Variants in GSE1 observed in about 807,000 individuals in gnomAD.
The protein encoded by GSE1 is Gse1 coiled-coil protein.
In GSE1, 32 loss-of-function variants were observed where a neutral mutation model predicts 112.6. The ratio of observed to expected loss-of-function variants is 0.28; its 90% CI spans 0.21 to 0.38. The LOEUF is 0.38. GSE1 is among the 10% of genes least tolerant of loss of function. The pLI, the probability that GSE1 is intolerant of heterozygous loss-of-function variation, is 1.00. For missense variants in GSE1, 2,348 were observed against 1,699.2 expected (o/e 1.38, Z -6.71); for synonymous variants, 1,115 against 735.6 (o/e 1.52, Z -8.35).
intron 2 of GSE1, among the ~76,000 whole-genome samples, chr16:85,433,222 A>G (rs576605732): frequency 2.6e-5 from 4 of 152,098 alleles, no homozygotes; most frequent in African/African-American, 9.6e-5. Flanking sequence ...CTTGGTTTAC[A>G]TTGTCATTTT....
At chr16:85,558,167 G>T (rs765946609) in intron 1 of GSE1, among the ~76,000 whole-genome samples, 5 of 152,152 alleles carry the variant, frequency 3.3e-5, no homozygotes, top group Non-Finnish European at 5.9e-5. Context: ...GGTAAATGAG[G>T]GCTGGGTCTG....
At chr16:85,230,756 T>C (rs985937466) in intron 1 of GSE1, among the ~76,000 whole-genome samples, 1 of 152,196 alleles carries the variant, frequency 6.6e-6, no homozygotes, top group African/African-American at 2.4e-5. Context: ...CTCACAGTCC[T>C]CCTGGGTTGG....
chr16:85,540,023 G>C (rs1203016969), intron 2 of GSE1, among the ~76,000 whole-genome samples: 1 of 152,216 alleles, frequency 6.6e-6, no homozygotes, highest in Non-Finnish European at 1.5e-5. Context: ...AGTCAGCAGG[G>C]TTGTTGTACA....
intron 1 of GSE1, among the ~76,000 whole-genome samples, chr16:85,213,868 G>C (rs999822785): frequency 1.3e-5 from 2 of 152,234 alleles, no homozygotes; most frequent in African/African-American, 4.8e-5. Flanking sequence ...TGAGGACAGA[G>C]GGCCCCAGGC....
At chr16:85,352,640 T>A (rs1327594887) in intron 1 of GSE1, among the ~76,000 whole-genome samples, 1 of 152,196 alleles carries the variant, frequency 6.6e-6, no homozygotes, top group African/African-American at 2.4e-5. Context: ...CTTAGAAGGA[T>A]AAGGAAGGGG....
intron 1 of GSE1, among the ~76,000 whole-genome samples, chr16:85,574,574 G>A (rs536051697): frequency 5.2e-4 from 79 of 152,304 alleles, no homozygotes; most frequent in Middle Eastern, 3.4e-3. Context: ...CCCAAAGCCA[G>A]GTCATTCCTT....
At chr16:85,346,465 G>A (rs1330629624) in intron 1 of GSE1, among the ~76,000 whole-genome samples, 1 of 142,728 alleles carries the variant, frequency 7.0e-6, no homozygotes, top group Non-Finnish European at 1.5e-5. Context: ...GGGCTGATGG[G>A]TGGATGATGG....
intron 1 of GSE1, among the ~76,000 whole-genome samples, chr16:85,243,261 T>C (rs1318506849): frequency 6.6e-6 from 1 of 152,208 alleles, no homozygotes; most frequent in African/African-American, 2.4e-5. Context: ...AAGTGCAAAA[T>C]CATTCTTGCT....
chr16:85,260,933 C>T (rs918703830), intron 1 of GSE1, among the ~76,000 whole-genome samples: 1 of 152,222 alleles, frequency 6.6e-6, no homozygotes, highest in Non-Finnish European at 1.5e-5. Context: ...CTACCCTGGC[C>T]TAGCTGCAGG....
At chr16:85,554,163 G>A (rs1467969370), upstream of GSE1, among the ~76,000 whole-genome samples, 1 of 152,134 alleles carries the variant, frequency 6.6e-6, no homozygotes, top group African/African-American at 2.4e-5. Context: ...TTTAAGGAGA[G>A]GGTGGGGGGA....
At chr16:85,261,454 C>T (rs979716362) in intron 1 of GSE1, among the ~76,000 whole-genome samples, 3 of 152,232 alleles carry the variant, frequency 2.0e-5, no homozygotes, top group Non-Finnish European at 2.9e-5. Context: ...CATGTTTCCC[C>T]TTATCCCGCA....
intron 2 of GSE1, among the ~76,000 whole-genome samples, chr16:85,450,966 A>T (rs1462260373): frequency 6.6e-6 from 1 of 150,524 alleles, no homozygotes; most frequent in African/African-American, 2.4e-5. Context: ...CCCAGCTACT[A>T]GGGAGGCCAA....
chr16:85,663,301 C>A, intron 10 of GSE1, 43 bp from the exon 11 acceptor site: 3 of 1,606,228 alleles, frequency 1.9e-6, no homozygotes, highest in Non-Finnish European at 2.6e-6. Flanking sequence ...AAGCATACCA[C>A]TGCCAGTGGC....
intron 1 of GSE1, among the ~76,000 whole-genome samples, chr16:85,210,469 G>T (rs893058963): frequency 6.6e-6 from 1 of 152,152 alleles, no homozygotes; most frequent in Non-Finnish European, 1.5e-5. Context: ...GATGCCTGTA[G>T]TCCCAGTTAC....
Position 85,333,280 on chromosome 16 carries a change from C to T in GSE1, c.2284-24183C>T, listed in dbSNP as rs201570189. ...CTGAAGGCCTCCCAGCTGATCCACG[C>T]GGGCCCACCCAGGTCATCTAGAACA... On this transcript the variant is annotated intron_variant, in intron 1 of 2. Transcript: ENST00000637419. 6.5e-4 allele frequency among the ~76,000 whole-genome samples: 99 copies of T among 152,282 alleles called. 3 individuals are homozygous for T. In the South Asian group the frequency reaches 0.019, roughly 29 times the overall value.
At chr16:85,665,904 G>T in intron 12 of GSE1, 72 bp from the exon 13 acceptor site, 1 of 1,440,870 alleles carries the variant, frequency 6.9e-7, no homozygotes, top group South Asian at 1.2e-5. Flanking sequence ...CTAGAGACCA[G>T]GATCTGCGTG....
chr16:85,453,037 C>T lies in GSE1; in HGVS notation c.2464+95394C>T, dbSNP rs768931344. Among the ~76,000 whole-genome samples the T allele has an allele frequency of 5.3e-5, 8 of 152,196 alleles. No homozygotes were observed. The East Asian group carries it at 5.8e-4, about 11-fold the overall frequency. ...TGTCCCCGACGCTGCCGGTCCAGGG[C>T]GGAGGGACACCAGGATTTTGTGTGA... On this transcript the variant is annotated intron_variant, in intron 2 of 2. Transcript: ENST00000637419.
intron 1 of GSE1, among the ~76,000 whole-genome samples, chr16:85,260,319 CTTTTTTT>C (rs111292010): frequency 6.3e-5 from 6 of 94,868 alleles, no homozygotes; most frequent in African/African-American, 1.4e-4. Context: ...TTTTTCTTTT[CTTTTTTT>C]TTTTTTTTTT....
At chr16:85,182,204 TG>T (rs2074601985) in intron 1 of GSE1, among the ~76,000 whole-genome samples, 1 of 149,042 alleles carries the variant, frequency 6.7e-6, no homozygotes, top group African/African-American at 2.4e-5. Context: ...TGGGCTCCTG[TG>T]GGGGGAGGAG....
Sources: allele counts gnomAD v4.1 joint callset (sites outside exome capture counted in the v4.1 genomes callset), GRCh38; gene constraint gnomAD v4.1.1; transcripts MANE v1.5; gene names NCBI Gene and HGNC (gene_info 2026-07-23, HGNC 2026-07-21).